Variants in SIRT1 observed in about 807,000 individuals in gnomAD.
SIRT1 encodes the protein sirtuin 1.
A neutral mutation model predicts 67.9 loss-of-function variants in SIRT1; 24 were observed. That is an observed-to-expected ratio of 0.35 (90% confidence interval 0.26 to 0.50). SIRT1 has a LOEUF of 0.50. SIRT1 is among the 20% of genes least tolerant of loss of function. SIRT1 has a pLI of 0.98. For missense variants in SIRT1, 873 were observed against 937.2 expected (o/e 0.93, Z 0.89); for synonymous variants, 378 against 350.7 (o/e 1.08, Z -0.87).
rs779808715 is a variant in SIRT1, at chr10:67,891,568, T to C, written c.942+14T>C. The C allele has an allele frequency of 8.1e-6, 13 of 1,612,000 alleles. No homozygotes were observed. The highest frequency in any genetic ancestry group is 1.1e-5 in the Non-Finnish European group (13 of 1,178,880). On this transcript the variant is annotated intron_variant, in intron 4 of 8. Coordinates refer to ENST00000212015, the MANE Select transcript of SIRT1 (RefSeq NM_012238.5). Reference sequence around the variant, plus strand: ...AAGTTTGCAAAGGTACTATGAACTCTTCTGGTTGTTTCTTTGGCCTTCTCT... The same window carrying C: ...AAGTTTGCAAAGGTACTATGAACTCCTCTGGTTGTTTCTTTGGCCTTCTCT...
chr10:67,908,990 T>A (rs1055751605), intron 6 of SIRT1, among the ~76,000 whole-genome samples: 4 of 152,234 alleles, frequency 2.6e-5, no homozygotes, highest in African/African-American at 7.2e-5. Flanking sequence ...ACACACATTA[T>A]GTTTTTCCTC....
At chr10:67,891,180 T>G (rs1164013016) in intron 3 of SIRT1, among the ~76,000 whole-genome samples, 2 of 152,222 alleles carry the variant, frequency 1.3e-5, no homozygotes, top group Non-Finnish European at 2.9e-5. Flanking sequence ...TAAAAATTCC[T>G]TATCTGTGTT....
intron 4 of SIRT1, among the ~76,000 whole-genome samples, chr10:67,892,645 A>G (rs926181688): frequency 8.6e-5 from 13 of 150,920 alleles, no homozygotes; most frequent in Admixed American, 4.0e-4. Flanking sequence ...TTTGTCCCCC[A>G]GGCTGGAGTG....
At chr10:67,911,245 G>A (rs1842894363) in intron 7 of SIRT1, among the ~76,000 whole-genome samples, 1 of 152,174 alleles carries the variant, frequency 6.6e-6, no homozygotes, top group South Asian at 2.1e-4. Context: ...TCAGGCTAGA[G>A]TGCAGTGGTG....
In SIRT1 at chr10:67,894,257, T is replaced by G. The variant is rs531789364; in HGVS notation, c.942+2703T>G. 2.5e-3 allele frequency among the ~76,000 whole-genome samples: 376 copies of G among 152,380 alleles called. 4 individuals carry two copies. Among genetic ancestry groups the G allele is most frequent in the African/African-American group, 8.7e-3 (360 of 41,596 alleles). ...GTTTTCAGGCTATCAAGAGAATTTT[T>G]AACTTAAAACTTATATAATTTGAAC... On this transcript the variant is annotated intron_variant, in intron 4 of 8. Transcript: ENST00000212015.
Position 67,885,104 on chromosome 10 carries a change from AG to A in SIRT1, c.386del (p.Gly129AlafsTer54). The A allele has an allele frequency of 1.4e-6, 2 of 1,441,552 alleles. No homozygotes were observed. The highest frequency in any genetic ancestry group is 9.2e-7 in the Non-Finnish European group (1 of 1,092,088). 89.3% of individuals were successfully genotyped at this position (1,441,552 alleles called of 1,614,324 possible). A position where few individuals can be genotyped will look rare whatever the true frequency, so the allele number is the denominator to read the frequency against. On this transcript the variant is annotated frameshift_variant, in exon 1 of 9. Coordinates refer to ENST00000212015, the MANE Select transcript of SIRT1 (RefSeq NM_012238.5). LOFTEE classifies it high-confidence loss of function. Reference protein sequence around the residue: ...DNLYDEDDDDEGEEEEEAAAA... With the variant: ...DNLYDEDDDDXGEEEEEAAAA... The stretch of plus-strand genomic sequence containing the variant: ...TTGTACGACGAAGACGACGACGACG[AG>A]GGCGAGGAGGAGGAAGAGGCGGCGG...
chr10:67,904,136 T>G lies in SIRT1; in HGVS notation c.943-2654T>G, dbSNP rs146723756. Among the ~76,000 whole-genome samples, 428 of 150,158 alleles carry G rather than the reference T, an allele frequency of 2.9e-3. 6 individuals are homozygous for G. The South Asian group carries it at 0.037, about 13-fold the overall frequency. On this transcript the variant is annotated intron_variant, in intron 4 of 8. Coordinates refer to ENST00000212015, the MANE Select transcript of SIRT1 (RefSeq NM_012238.5). ...TTAGTTTTTTTTGTTTGTTTTTTTT[T>G]TTTTTTTTTTTAAAGGCTCTCACTC... is the stretch of plus-strand genomic sequence containing the variant.
At chr10:67,901,385 A>G (rs1842742667) in intron 4 of SIRT1, among the ~76,000 whole-genome samples, 1 of 152,062 alleles carries the variant, frequency 6.6e-6, no homozygotes, top group Non-Finnish European at 1.5e-5. Flanking sequence ...GGGCTCTGCT[A>G]CTTACTTGCT....
chr10:67,885,289 A>T (rs1842458472), intron 1 of SIRT1, 138 bp downstream of exon 1: 1 of 1,242,492 alleles, frequency 8.0e-7, no homozygotes. Flanking sequence ...CCCTCCGTTC[A>T]GCCGCGCTCC....
chr10:67,915,606 A>C (rs1427284638), intron 8 of SIRT1, among the ~76,000 whole-genome samples: 1 of 152,256 alleles, frequency 6.6e-6, no homozygotes, highest in Non-Finnish European at 1.5e-5. Context: ...GTAGATTCAC[A>C]GTGTCTACAG....
At position 67,916,787 on chromosome 10, in the gene SIRT1, T is replaced by A; in HGVS notation, c.*194T>A. Reference sequence around the variant, plus strand: ...TTCTGTACTTGTACAAACTCAACACTAACTTTTTTTTTTTTAAAAAAAAAA... The same window carrying A: ...TTCTGTACTTGTACAAACTCAACACAAACTTTTTTTTTTTTAAAAAAAAAA... On this transcript the variant is annotated 3_prime_UTR_variant, in exon 9 of 9. Transcript: ENST00000212015. 1 of 346,564 alleles carries A rather than the reference T, an allele frequency of 2.9e-6. No homozygotes were observed. The highest frequency in any genetic ancestry group is 5.1e-6 in the Non-Finnish European group (1 of 194,668). The allele number at this position is 346,564 out of a possible 1,614,324, so 21.5% of individuals were successfully genotyped here. A position where few individuals can be genotyped will look rare whatever the true frequency, so the allele number is the denominator to read the frequency against.
At chr10:67,898,672 GC>G in intron 4 of SIRT1, among the ~76,000 whole-genome samples, 1 of 151,974 alleles carries the variant, frequency 6.6e-6, no homozygotes, top group East Asian at 1.9e-4. Flanking sequence ...TACATTTTTA[GC>G]ATAAAATTTG....
chr10:67,903,559 T>C (rs1564889605), intron 4 of SIRT1, among the ~76,000 whole-genome samples: 1 of 151,900 alleles, frequency 6.6e-6, no homozygotes, highest in Non-Finnish European at 1.5e-5. Flanking sequence ...AATTTTTTTT[T>C]GTATTTTTTA....
intron 5 of SIRT1, among the ~76,000 whole-genome samples, chr10:67,907,767 A>G (rs1163315289): frequency 2.0e-5 from 3 of 152,148 alleles, no homozygotes; most frequent in Non-Finnish European, 2.9e-5. Context: ...TTTTGTTGAA[A>G]AGAGTAGCTT....
chr10:67,905,461 G>C (rs1362484696), intron 4 of SIRT1, among the ~76,000 whole-genome samples: 2 of 152,188 alleles, frequency 1.3e-5, no homozygotes, highest in South Asian at 4.1e-4. Context: ...CTTTATACGA[G>C]GTTTTTAGCA....
chr10:67,911,056 C>T (rs556312787), intron 7 of SIRT1, among the ~76,000 whole-genome samples: 8 of 152,098 alleles, frequency 5.3e-5, no homozygotes, highest in Non-Finnish European at 1.0e-4. Context: ...TCAGTCTTAC[C>T]TAATTAGCTG....
intron 7 of SIRT1, among the ~76,000 whole-genome samples, chr10:67,910,986 C>T (rs1220219015): frequency 6.6e-6 from 1 of 152,142 alleles, no homozygotes; most frequent in Non-Finnish European, 1.5e-5. Context: ...TTGGAAGAAA[C>T]ATGGAGTCAA....
chr10:67,906,518 T>G (rs1419778605), intron 4 of SIRT1, among the ~76,000 whole-genome samples: 2 of 152,184 alleles, frequency 1.3e-5, no homozygotes, highest in Non-Finnish European at 2.9e-5. Context: ...CTTCTGACTT[T>G]TATTAAAATA....
chr10:67,884,835 G>C lies in SIRT1; in HGVS notation c.114G>C (p.Arg38=). Residue 38 remains arginine, a synonymous_variant, in exon 1 of 9, where the codon CGG becomes CGC. Coordinates refer to ENST00000212015, the MANE Select transcript of SIRT1 (RefSeq NM_012238.5). Reference sequence around the variant, plus strand: ...GGGAGCCGCTCCGCAAGAGGCCGCGGAGAGATGGTCCCGGCCTCGAGCGGA... The same window carrying C: ...GGGAGCCGCTCCGCAAGAGGCCGCGCAGAGATGGTCCCGGCCTCGAGCGGA... ...PAGEPLRKRP[R]RDGPGLERSP... 8.2e-7 allele frequency: 1 copy of C among 1,223,230 alleles called. No individual in the cohort carries two copies. 75.8% of individuals were successfully genotyped at this position (1,223,230 alleles called of 1,614,324 possible).
Sources: gnomAD v4.1 joint callset for allele counts (sites outside exome capture counted in the v4.1 genomes callset) on GRCh38, gnomAD v4.1.1 for gene constraint, MANE v1.5 for transcripts, NCBI Gene and HGNC (gene_info 2026-07-23, HGNC 2026-07-21) for gene names.